The following CHD9 variants were observed in gnomAD, a reference collection of about 807,000 sequenced individuals.
CHD9 encodes ATP-dependent chromatin remodeler CHD9.
A neutral mutation model predicts 316.1 loss-of-function variants in CHD9; 77 were observed. The observed-to-expected ratio is 0.24, with a 90% confidence interval of 0.20 to 0.29. The LOEUF (loss-of-function observed/expected upper bound fraction) is 0.29, where lower values mean the gene tolerates loss of function less well. Among genes scored for constraint, CHD9 ranks in the 10% least tolerant of loss-of-function variants. The pLI, the probability that CHD9 is intolerant of heterozygous loss-of-function variation, is 1.00. For synonymous variants in CHD9, 1,129 were observed against 1,158.3 expected (o/e 0.97, Z 0.51); for missense variants, 2,763 against 3,438.1 (o/e 0.80, Z 4.91).
intron 17 of CHD9, among the ~76,000 whole-genome samples, chr16:53,251,089 T>A (rs778686644): frequency 1.3e-5 from 2 of 152,242 alleles, no homozygotes; most frequent in African/African-American, 4.8e-5. Flanking sequence ...CACCAACTCT[T>A]TCTGTGGAAG....
At chr16:53,173,607 C>T (rs1242232234) in intron 2 of CHD9, among the ~76,000 whole-genome samples, 33 of 151,812 alleles carry the variant, frequency 2.2e-4, no homozygotes, top group Non-Finnish European at 5.9e-5. Flanking sequence ...TGCAGTGGCG[C>T]GATCTCAGCT....
intron 1 of CHD9, among the ~76,000 whole-genome samples, chr16:53,075,354 G>C (rs1044826658): frequency 6.6e-6 from 1 of 152,206 alleles, no homozygotes; most frequent in Non-Finnish European, 1.5e-5. Flanking sequence ...GCTGAAATGA[G>C]TTAAGACTTT....
intron 30 of CHD9, among the ~76,000 whole-genome samples, chr16:53,303,483 G>A (rs1034055679): frequency 2.0e-5 from 3 of 151,844 alleles, no homozygotes; most frequent in African/African-American, 4.8e-5. Flanking sequence ...ATGATTTTTA[G>A]TACTTACTTT....
intron 2 of CHD9, among the ~76,000 whole-genome samples, chr16:53,175,945 G>A (rs751498155): frequency 2.6e-5 from 4 of 152,220 alleles, no homozygotes; most frequent in Non-Finnish European, 5.9e-5. Context: ...TAGGAGGCAG[G>A]ACTCTGGGGC....
chr16:53,280,199 A>T (rs1033595568), intron 24 of CHD9, among the ~76,000 whole-genome samples: 2 of 152,076 alleles, frequency 1.3e-5, no homozygotes, highest in Non-Finnish European at 2.9e-5. Context: ...AGAAGTCATT[A>T]TATTAAAAAC....
intron 1 of CHD9, among the ~76,000 whole-genome samples, chr16:53,105,619 A>AG (rs1567331784): frequency 6.6e-6 from 1 of 152,002 alleles, no homozygotes; most frequent in Non-Finnish European, 1.5e-5. Context: ...TCCATAGGAG[A>AG]GTTTTCAGCT....
intron 10 of CHD9, among the ~76,000 whole-genome samples, chr16:53,232,183 C>CTA (rs2048233800): frequency 6.6e-6 from 1 of 152,118 alleles, no homozygotes; most frequent in Non-Finnish European, 1.5e-5. Context: ...TACCCCCATT[C>CTA]CTTTTACCTT....
rs536070767 is a variant in CHD9, at chr16:53,198,574, C to G, written c.1453-10908C>G. ...ATCTCCTGACCTTGTGATCCGCCTG[C>G]CTCGGCCTCCCAAAGTGCTAGGATT... On this transcript the variant is annotated intron_variant, in intron 2 of 38. Coordinates refer to ENST00000447540, the MANE Select transcript of CHD9 (RefSeq NM_001308319.2). Among the ~76,000 whole-genome samples the G allele has an allele frequency of 2.1e-3, 327 of 152,224 alleles. 2 individuals are homozygous for G. The highest frequency in any genetic ancestry group is 7.6e-3 in the African/African-American group (314 of 41,540).
intron 1 of CHD9, among the ~76,000 whole-genome samples, chr16:53,106,634 C>A (rs143059837): frequency 6.8e-6 from 1 of 146,630 alleles, no homozygotes; most frequent in Non-Finnish European, 1.5e-5. Context: ...GTTAAAGATG[C>A]AACTGCCTCA....
At chr16:53,287,075 T>C (rs936452060) in intron 26 of CHD9, among the ~76,000 whole-genome samples, 14 of 152,116 alleles carry the variant, frequency 9.2e-5, no homozygotes, top group African/African-American at 3.4e-4. Context: ...TCCTCCCACT[T>C]AGTCTCCTGA....
At chr16:53,168,816 AGCC>A (rs1194687403) in intron 2 of CHD9, 1 of 152,290 alleles carries the variant, frequency 6.6e-6, no homozygotes, top group Non-Finnish European at 1.5e-5. Flanking sequence ...AGCACACTGT[AGCC>A]TTGAACTCCT....
At chr16:53,315,088 G>A (rs12596829) in intron 36 of CHD9, 44 bp downstream of exon 36, 431,146 of 1,376,366 alleles carry the variant, frequency 0.31, 69,135 homozygotes, top group Middle Eastern at 0.38. Context: ...ATTTTTATGA[G>A]TTGTCAGATC....
At chr16:53,128,785 A>G (rs1485475581) in intron 1 of CHD9, among the ~76,000 whole-genome samples, 2 of 152,222 alleles carry the variant, frequency 1.3e-5, no homozygotes, top group Non-Finnish European at 2.9e-5. Context: ...CCATTCACTG[A>G]CCAGTGAAAA....
chr16:53,215,204 C>T (rs144379947), intron 3 of CHD9, among the ~76,000 whole-genome samples: 11 of 152,346 alleles, frequency 7.2e-5, no homozygotes, highest in African/African-American at 2.4e-4. Flanking sequence ...GCATAAGCCA[C>T]CGTGCCCGGC....
intron 1 of CHD9, among the ~76,000 whole-genome samples, chr16:53,148,276 C>G (rs2040803747): frequency 6.6e-6 from 1 of 152,162 alleles, no homozygotes; most frequent in African/African-American, 2.4e-5. Context: ...CAGGGTCTCA[C>G]TCTGTCACCT....
In CHD9 at chr16:53,234,009, A is replaced by G. The variant is rs138656069; in HGVS notation, c.2512-1176A>G. ...GGAATCTTCAGAAAATTTATGTCTT[A>G]TATATCTATATATAAGTGAATAAAA... On this transcript the variant is annotated intron_variant, in intron 10 of 38. Transcript: ENST00000447540. Among the ~76,000 whole-genome samples the G allele has an allele frequency of 2.6e-5, 4 of 152,304 alleles. No individual in the cohort carries two copies. The East Asian group carries it at 7.7e-4, about 29-fold the overall frequency.
intron 2 of CHD9, among the ~76,000 whole-genome samples, chr16:53,185,230 G>A (rs989328609): frequency 6.6e-6 from 1 of 152,214 alleles, no homozygotes; most frequent in Non-Finnish European, 1.5e-5. Context: ...CTACAGACTT[G>A]TTGAATGGCT....
intron 1 of CHD9, among the ~76,000 whole-genome samples, chr16:53,140,804 G>A (rs945178141): frequency 1.3e-5 from 2 of 152,158 alleles, no homozygotes; most frequent in Non-Finnish European, 2.9e-5. Context: ...TGCCCAGGCT[G>A]GTGTTGAATT....
chr16:53,302,807 T>C lies in CHD9; in HGVS notation c.5714-913T>C, dbSNP rs566563580. Among the ~76,000 whole-genome samples, 16 of 152,348 alleles carry C rather than the reference T, an allele frequency of 1.1e-4. No homozygotes were observed. The South Asian group carries it at 3.3e-3, about 32-fold the overall frequency. ...TTCCATATTTGGCATTAGGAGCTGC[T>C]TATGTTGGTCCCTGCATTGTTTCAG... On this transcript the variant is annotated intron_variant, in intron 30 of 38. Transcript: ENST00000447540.
Sources: allele counts gnomAD v4.1 joint callset (sites outside exome capture counted in the v4.1 genomes callset), GRCh38; gene constraint gnomAD v4.1.1; transcripts MANE v1.5; gene names NCBI Gene and HGNC (gene_info 2026-07-23, HGNC 2026-07-21).